The following TTN variants were observed in gnomAD, a reference collection of about 807,000 sequenced individuals.
TTN encodes titin, also known as connectin.
In TTN, 1,525 loss-of-function variants were observed where a neutral mutation model predicts 3,223.0. That is an observed-to-expected ratio of 0.47 (90% CI 0.45 to 0.49). TTN has a LOEUF of 0.49. TTN is among the 20% of genes least tolerant of loss of function. The pLI is 0.00. For synonymous variants in TTN, 14,094 were observed against 15,161.0 expected (o/e 0.93, Z 5.17); for missense variants, 40,786 against 43,424.0 (o/e 0.94, Z 5.40).
chr2:178,572,447 G>C lies in TTN; in HGVS notation c.73685C>G (p.Thr24562Arg). The C allele has an allele frequency of 1.2e-6, 2 of 1,612,410 alleles. No individual in the cohort carries two copies. Among genetic ancestry groups the C allele is most frequent in the South Asian group, 2.2e-5 (2 of 91,022 alleles). ...KNYIVEKRES[T>R]RKAYSTVATN... ...TGCAACAGTTGAATATGCTTTTCTTGTTGATTCCCGCTTTTCAACAATATA... is the reference window on the plus strand; with the variant it reads ...TGCAACAGTTGAATATGCTTTTCTTCTTGATTCCCGCTTTTCAACAATATA... Residue 24562 changes from threonine (T) to arginine (R), a missense_variant, in exon 326 of 363, where the codon ACA (threonine) becomes AGA (arginine). Physicochemically the swap from Thr to Arg is moderately conservative, Grantham distance 71. Transcript: ENST00000589042.
chr2:178,586,811 G>T lies in TTN; in HGVS notation c.64094-4C>A. On this transcript the variant is annotated splice_polypyrimidine_tract_variant and splice_region_variant and intron_variant, in intron 307 of 362. Transcript: ENST00000589042. ...TTCCTTGGGGGATCCGGCTCACCTAGAAGAAAAACATAATTTAGAAGATTA... is the reference window on the plus strand; with the variant it reads ...TTCCTTGGGGGATCCGGCTCACCTATAAGAAAAACATAATTTAGAAGATTA... 6.2e-7 allele frequency: 1 copy of T among 1,605,918 alleles called. No individual in the cohort carries two copies. The highest frequency in any genetic ancestry group is 8.5e-7 in the Non-Finnish European group (1 of 1,177,796).
In TTN at chr2:178,590,206, C is replaced by G. The variant is rs777239380; in HGVS notation, c.61519G>C (p.Asp20507His). 6.2e-7 allele frequency: 1 copy of G among 1,607,232 alleles called. No homozygotes were observed. Among genetic ancestry groups the G allele is most frequent in the South Asian group, 1.1e-5 (1 of 89,630 alleles). ...LARVKGRPEP[D>H]ITWTKEGKVL... ...TTGCCTTCCTTAGTCCAAGTTATGT[C>G]TGGTTCAGGTCTGCCTTTGACTCGA... The change falls in exon 304 of 363, where the codon GAC (aspartate) becomes CAC (histidine). Residue 20507 changes from aspartate to histidine, a missense_variant. Coordinates refer to ENST00000589042, the MANE Select transcript of TTN (RefSeq NM_001267550.2).
chr2:178,692,393 T>A lies in TTN; in HGVS notation c.31678+104A>T, dbSNP rs552440300. On this transcript the variant is annotated intron_variant, in intron 120 of 362. Coordinates refer to ENST00000589042, the MANE Select transcript of TTN (RefSeq NM_001267550.2). ...AAATCAATATACACAGAATTAAATA[T>A]ATTATAGATGGTTTACAGATGCTAT... The A allele has an allele frequency of 6.6e-6, 7 of 1,067,118 alleles. No homozygotes were observed. The East Asian group carries it at 1.8e-4, about 28-fold the overall frequency. The allele number at this position is 1,067,118 out of a possible 1,614,324, so 66.1% of individuals were successfully genotyped here.
intron 250 of TTN, chr2:178,619,070 C>T: frequency 6.5e-6 from 4 of 612,690 alleles, no homozygotes; most frequent in Non-Finnish European, 1.1e-5. Context: ...TTGAGAATGG[C>T]ATAAAATCAT....
rs745659756 is a variant in TTN at position 178,567,139 on chromosome 2, T to C, written c.78993A>G (p.Arg26331=). Residue 26331 remains arginine, a synonymous_variant, in exon 326 of 363, where the codon CGA becomes CGG. Transcript: ENST00000589042. ...CTGAAGCAACAACAGTCCAGGCAAG[T>C]CGACTGGTTTCTCGCTTTTCAACAA... ...HYVVEKRETS[R]LAWTVVASEV... The C allele has an allele frequency of 3.0e-5, 48 of 1,613,420 alleles. No individual in the cohort carries two copies. Among genetic ancestry groups the C allele is most frequent in the Non-Finnish European group, 3.9e-5 (46 of 1,179,618 alleles).
rs1423101942 is a variant in TTN at position 178,766,367 on chromosome 2, C to T, written c.9703+14G>A. The T allele has an allele frequency of 6.3e-7, 1 of 1,579,250 alleles. No individual in the cohort carries two copies. The highest frequency in any genetic ancestry group is 2.2e-5 in the East Asian group (1 of 44,690). On this transcript the variant is annotated intron_variant, in intron 41 of 362. Transcript: ENST00000589042. ...ATGGATCCACAAAATATGCTGAAATCTGTCCCTACATACCATTGACATAGA... is the reference window on the plus strand; with the variant it reads ...ATGGATCCACAAAATATGCTGAAATTTGTCCCTACATACCATTGACATAGA...
At position 178,694,629 on chromosome 2, in the gene TTN, G is replaced by T; in HGVS notation, c.31396C>A (p.Pro10466Thr). 6.4e-7 allele frequency: 1 copy of T among 1,560,494 alleles called. No individual in the cohort carries two copies. The highest frequency in any genetic ancestry group is 8.7e-7 in the Non-Finnish European group (1 of 1,150,690). The change falls in exon 117 of 363, where the codon CCA becomes ACA. Residue 10466 changes from proline (P) to threonine (T), a missense_variant. By Grantham distance (38) the Pro-to-Thr change is conservative (BLOSUM62 -1). Coordinates refer to ENST00000589042, the MANE Select transcript of TTN (RefSeq NM_001267550.2). Reference sequence around the variant, plus strand: ...ACTTCAATAACTTCTTCCTGTACTGGAGTCCGGGAAGGTTTTTGTGGAACA... The same window carrying T: ...ACTTCAATAACTTCTTCCTGTACTGTAGTCCGGGAAGGTTTTTGTGGAACA... ...KIVPQKPSRTPVQEEVIEVKV... is the reference protein window; with the variant it reads ...KIVPQKPSRTTVQEEVIEVKV...
rs6433730 is a variant in TTN, at chr2:178,757,208, A to T, written c.10678+334T>A. ...AAGTACAGTAAGTAATACTGTACTT[A>T]CTTTAAGTACAGTAAGTAATAATCA... is the stretch of plus-strand genomic sequence containing the variant. On this transcript the variant is annotated intron_variant, in intron 45 of 362. Coordinates refer to ENST00000589042, the MANE Select transcript of TTN (RefSeq NM_001267550.2). Among the ~76,000 whole-genome samples the T allele has an allele frequency of 1.6e-4, 9 of 54,962 alleles. 4 individuals are homozygous for T. The highest frequency in any genetic ancestry group is 3.0e-4 in the Non-Finnish European group (7 of 23,508). 36.1% of individuals were successfully genotyped at this position (54,962 alleles called of 152,430 possible). A position where few individuals can be genotyped will look rare whatever the true frequency, so the allele number is the denominator to read the frequency against.
rs201181445 is a variant in TTN, at chr2:178,719,817, A to C, written c.23675T>G (p.Ile7892Arg). The C allele has an allele frequency of 9.9e-6, 16 of 1,608,466 alleles. No homozygotes were observed. Among genetic ancestry groups the C allele is most frequent in the Admixed American group, 8.4e-5 (5 of 59,560 alleles). Reference protein sequence around the residue: ...VLTVLEPARIIEKPEPMTVTT... With the variant: ...VLTVLEPARIREKPEPMTVTT... ...GACAGTCATGGGTTCGGGCTTCTCTATGATTCTTGCTGGTTCTAAAAGAAG... is the reference window on the plus strand; with the variant it reads ...GACAGTCATGGGTTCGGGCTTCTCTCTGATTCTTGCTGGTTCTAAAAGAAG... The change falls in exon 82 of 363, where the codon ATA becomes AGA. Residue 7892 changes from isoleucine (I) to arginine (R), a missense_variant. Coordinates refer to ENST00000589042, the MANE Select transcript of TTN (RefSeq NM_001267550.2).
At chr2:178,672,335 T>A (rs2067153711) in intron 154 of TTN, 68 bp from the exon 155 acceptor site, 19 of 1,600,750 alleles carry the variant, frequency 1.2e-5, no homozygotes, top group Non-Finnish European at 1.6e-5. Context: ...ACATTCAAAA[T>A]ATATATTTTT....
chr2:178,784,756 T>G (rs376303323), intron 15 of TTN, among the ~76,000 whole-genome samples: 3 of 152,212 alleles, frequency 2.0e-5, no homozygotes, highest in African/African-American at 7.2e-5. Flanking sequence ...AGAACTACTT[T>G]GCAATAGTAC....
Position 178,719,455 on chromosome 2 carries a change from T to C in TTN, c.23939-4A>G, listed in dbSNP as rs775692859. 2.7e-5 allele frequency: 44 copies of C among 1,608,388 alleles called. No individual in the cohort carries two copies. The highest frequency in any genetic ancestry group is 1.7e-4 in the Middle Eastern group (1 of 6,056). On this transcript the variant is annotated splice_polypyrimidine_tract_variant and splice_region_variant and intron_variant, in intron 82 of 362. Coordinates refer to ENST00000589042, the MANE Select transcript of TTN (RefSeq NM_001267550.2). ...AAGGAAGGAGGCACAATCCGATCTA[T>C]GTGGGGAAGGGTAGTTTTGCGTTTA...
At chr2:178,743,288 A>C (rs1463514475) in intron 47 of TTN, among the ~76,000 whole-genome samples, 1 of 152,040 alleles carries the variant, frequency 6.6e-6, no homozygotes, top group East Asian at 1.9e-4. Flanking sequence ...GCAGCTATTA[A>C]TTGTCTAAAC....
At chr2:178,602,847 A>G (rs2053807618) in intron 282 of TTN, among the ~76,000 whole-genome samples, 1 of 152,024 alleles carries the variant, frequency 6.6e-6, no homozygotes, top group Non-Finnish European at 1.5e-5. Flanking sequence ...TTAGATTTAC[A>G]TTCTATTTAT....
intron 46 of TTN, among the ~76,000 whole-genome samples, chr2:178,755,600 T>C (rs1358885714): frequency 6.6e-6 from 1 of 152,090 alleles, no homozygotes; most frequent in Non-Finnish European, 1.5e-5. Flanking sequence ...ACATCCAACA[T>C]GCCTGGCTAA....
Position 178,537,753 on chromosome 2 carries a change from CT to C in TTN, c.99453del (p.Asp33152MetfsTer9). 6.2e-7 allele frequency: 1 copy of C among 1,613,782 alleles called. No individual in the cohort carries two copies. The highest frequency in any genetic ancestry group is 8.5e-7 in the Non-Finnish European group (1 of 1,179,764). On this transcript the variant is annotated frameshift_variant, in exon 355 of 363. Coordinates refer to ENST00000589042, the MANE Select transcript of TTN (RefSeq NM_001267550.2). LOFTEE classifies it high-confidence loss of function. ...ACTGTAAGAGTGTGTGTGCGTCCAT[CT>C]GAAGACATTTTGTATTTCCGGCTTT... ...LIQSRKYKMS[S>X]DGRTHTLTVM...
Position 178,530,003 on chromosome 2 carries a change from A to T in TTN, c.106488T>A (p.Asn35496Lys). ...AGCTAGAGGACACAGATCCAGCTGA[A>T]TTTTTTACTGTACAAGTATAAAGTC... ...DSGLYTCTVK[N>K]SAGSVSSSCK... Residue 35496 changes from asparagine to lysine, a missense_variant, in exon 359 of 363, where the codon AAT becomes AAA. Transcript: ENST00000589042. The T allele has an allele frequency of 6.2e-7, 1 of 1,603,846 alleles. No individual in the cohort carries two copies. The highest frequency in any genetic ancestry group is 8.5e-7 in the Non-Finnish European group (1 of 1,177,614).
chr2:178,584,191 G>A (rs1346927082), intron 311 of TTN, 85 bp downstream of exon 311: 4 of 1,436,974 alleles, frequency 2.8e-6, no homozygotes, highest in East Asian at 2.3e-5. Context: ...TCTGTGTCTT[G>A]GAGTCCAAAT....
chr2:178,646,562 T>C lies in TTN; in HGVS notation c.40223-3A>G. ...AATATACTTTTCAATTTCACGTTCT[T>C]TAAAGAATGTTGACAAAGGAGATGA... On this transcript the variant is annotated splice_region_variant and splice_polypyrimidine_tract_variant and intron_variant, in intron 215 of 362. Coordinates refer to ENST00000589042, the MANE Select transcript of TTN (RefSeq NM_001267550.2). 1 of 1,535,952 alleles carries C rather than the reference T, an allele frequency of 6.5e-7. No individual in the cohort carries two copies. Among genetic ancestry groups the C allele is most frequent in the Non-Finnish European group, 8.8e-7 (1 of 1,135,640 alleles).
Sources: gnomAD v4.1 joint callset for allele counts (sites outside exome capture counted in the v4.1 genomes callset) on GRCh38, gnomAD v4.1.1 for gene constraint, MANE v1.5 for transcripts, NCBI Gene and HGNC (gene_info 2026-07-23, HGNC 2026-07-21) for gene names.